Variants in AZIN1 observed in about 807,000 individuals in gnomAD.
The protein encoded by AZIN1 is antizyme inhibitor 1, also known as ornithine decarboxylase antizyme inhibitor.
Under a neutral mutation model 47.4 loss-of-function variants are expected in AZIN1, and 12 were observed. The ratio of observed to expected loss-of-function variants is 0.25; its 90% CI spans 0.16 to 0.41. AZIN1 has a LOEUF of 0.41. AZIN1 is among the 10% of genes least tolerant of loss of function. The pLI, the probability that AZIN1 is intolerant of heterozygous loss-of-function variation, is 1.00. For synonymous variants in AZIN1, 155 were observed against 176.3 expected (o/e 0.88, Z 0.96); for missense variants, 410 against 532.4 (o/e 0.77, Z 2.26).
chr8:102,860,690 A>G (rs1486449626), intron 1 of AZIN1, among the ~76,000 whole-genome samples: 2 of 152,232 alleles, frequency 1.3e-5, no homozygotes, highest in African/African-American at 2.4e-5. Context: ...CCCAACTACA[A>G]AAACTTTCTA....
At chr8:102,845,472 T>A (rs1401384327) in intron 2 of AZIN1, among the ~76,000 whole-genome samples, 2 of 152,182 alleles carry the variant, frequency 1.3e-5, no homozygotes, top group Non-Finnish European at 2.9e-5. Context: ...ACCTGTGCAG[T>A]GACGTCAAAT....
chr8:102,843,745 A>T lies in AZIN1; in HGVS notation c.-93T>A. ...TGTCTGGGTCCTTAGAATATGCAACAAACTGTCAAAATATAAGTTATATAA... is the reference window on the plus strand; with the variant it reads ...TGTCTGGGTCCTTAGAATATGCAACTAACTGTCAAAATATAAGTTATATAA... On this transcript the variant is annotated splice_region_variant and 5_prime_UTR_variant, in exon 3 of 12. Coordinates refer to ENST00000337198, the MANE Select transcript of AZIN1 (RefSeq NM_148174.4). 1.3e-6 allele frequency: 2 copies of T among 1,540,964 alleles called. No homozygotes were observed. The highest frequency in any genetic ancestry group is 2.2e-5 in the Admixed American group (1 of 46,188).
intron 2 of AZIN1, chr8:102,855,621 G>T (rs539788148): frequency 1.3e-5 from 2 of 152,260 alleles, no homozygotes; most frequent in East Asian, 3.9e-4. Flanking sequence ...CTACCTGCAC[G>T]GGAATCCTAG....
At chr8:102,845,065 T>C (rs538616787) in intron 2 of AZIN1, among the ~76,000 whole-genome samples, 1 of 152,200 alleles carries the variant, frequency 6.6e-6, no homozygotes. Context: ...ATAATGGCCA[T>C]TGACCAGCTG....
At chr8:102,854,944 G>A (rs1343279455) in intron 2 of AZIN1, among the ~76,000 whole-genome samples, 1 of 152,152 alleles carries the variant, frequency 6.6e-6, no homozygotes, top group African/African-American at 2.4e-5. Context: ...AGCTTTTTAA[G>A]TTTTAAAATA....
At chr8:102,832,350 A>G (rs577090297) in intron 9 of AZIN1, among the ~76,000 whole-genome samples, 6 of 152,230 alleles carry the variant, frequency 3.9e-5, no homozygotes, top group Non-Finnish European at 7.4e-5. Context: ...GTAAAACAGT[A>G]TTTCCTACAA....
chr8:102,848,289 C>T (rs1326767591), intron 2 of AZIN1, among the ~76,000 whole-genome samples: 6 of 127,252 alleles, frequency 4.7e-5, no homozygotes, highest in Non-Finnish European at 1.6e-5. Context: ...GAATGCAAAG[C>T]TCAACTATCA....
At chr8:102,849,975 C>A (rs1188604052) in intron 2 of AZIN1, 1 of 152,154 alleles carries the variant, frequency 6.6e-6, no homozygotes, top group Admixed American at 6.5e-5. Flanking sequence ...GCTGCAGGAG[C>A]TGGGCACTTG....
intron 1 of AZIN1, among the ~76,000 whole-genome samples, chr8:102,861,727 ATAATCTATGGG>A (rs1054042692): frequency 1.3e-5 from 2 of 151,960 alleles, no homozygotes; most frequent in African/African-American, 2.4e-5. Context: ...ATAGACGAAA[ATAATCTATGGG>A]TTTAAAAAAA....
chr8:102,834,012 A>C (rs1025966754), intron 8 of AZIN1, among the ~76,000 whole-genome samples, 177 bp downstream of exon 8: 2 of 152,196 alleles, frequency 1.3e-5, no homozygotes, highest in African/African-American at 4.8e-5. Flanking sequence ...GAATTCTATC[A>C]AACTTTTCAA....
Position 102,843,572 on chromosome 8 carries a change from G to T in AZIN1, c.81C>A (p.Asn27Lys), listed in dbSNP as rs756549690. 1.2e-6 allele frequency: 2 copies of T among 1,613,862 alleles called. No individual in the cohort carries two copies. The highest frequency in any genetic ancestry group is 1.7e-6 in the Non-Finnish European group (2 of 1,179,764). Residue 27 changes from asparagine (N) to lysine (K), a missense_variant, in exon 3 of 12, where the codon AAC becomes AAA. Transcript: ENST00000337198. ...TTACCAGGGTATGTTCATAAACATA[G>T]TTATCAATAACATTTCCAAGGTTTG... The part of the protein sequence containing the change: ...EGTNLGNVID[N>K]YVYEHTLTGK...
intron 5 of AZIN1, among the ~76,000 whole-genome samples, chr8:102,837,129 A>G (rs1811873545): frequency 6.6e-6 from 1 of 152,190 alleles, no homozygotes; most frequent in Non-Finnish European, 1.5e-5. Flanking sequence ...CATGTTGGCC[A>G]GGCTGGTCTC....
At chr8:102,833,779 C>A in intron 8 of AZIN1, among the ~76,000 whole-genome samples, 1 of 142,428 alleles carries the variant, frequency 7.0e-6, no homozygotes, top group South Asian at 2.2e-4. Context: ...TTTTTTAAGT[C>A]CCAGCTACTT....
chr8:102,829,207 A>G, intron 11 of AZIN1, 65 bp downstream of exon 11: 1 of 1,370,858 alleles, frequency 7.3e-7, no homozygotes, highest in South Asian at 1.3e-5. Context: ...CAGAATTAAA[A>G]CTTATTAGCA....
Position 102,858,070 on chromosome 8 carries a change from A to G in AZIN1, c.-153T>C. On this transcript the variant is annotated 5_prime_UTR_variant, in exon 2 of 12. Transcript: ENST00000337198. Reference sequence around the variant, plus strand: ...ATCAGCTAGGTTCCCAAGGTGGCTCAGCGTTGAAGTCGAACTGCTCTCTAT... The same window carrying G: ...ATCAGCTAGGTTCCCAAGGTGGCTCGGCGTTGAAGTCGAACTGCTCTCTAT... 1 of 399,040 alleles carries G rather than the reference A, an allele frequency of 2.5e-6. No individual in the cohort carries two copies. The highest frequency in any genetic ancestry group is 4.4e-6 in the Non-Finnish European group (1 of 226,044). The allele number at this position is 399,040 out of a possible 1,614,324, so 24.7% of individuals were successfully genotyped here.
At chr8:102,843,163 G>A (rs866121685) in intron 3 of AZIN1, among the ~76,000 whole-genome samples, 4 of 145,354 alleles carry the variant, frequency 2.8e-5, no homozygotes, top group South Asian at 2.1e-4. Flanking sequence ...CCAAGATCAC[G>A]CCACTGCACT....
intron 9 of AZIN1, among the ~76,000 whole-genome samples, chr8:102,830,573 G>A (rs1450724192): frequency 6.6e-6 from 1 of 151,222 alleles, no homozygotes; most frequent in Non-Finnish European, 1.5e-5. Flanking sequence ...GTGTTTGAAT[G>A]TAGAATTAAA....
intron 8 of AZIN1, 64 bp from the exon 9 acceptor site, chr8:102,833,282 G>A: frequency 2.0e-6 from 3 of 1,469,572 alleles, no homozygotes; most frequent in Non-Finnish European, 2.8e-6. Context: ...AATATTCAGA[G>A]ATTGATATTA....
At chr8:102,849,196 G>C (rs1812773212) in intron 2 of AZIN1, among the ~76,000 whole-genome samples, 1 of 152,124 alleles carries the variant, frequency 6.6e-6, no homozygotes, top group Non-Finnish European at 1.5e-5. Context: ...AGGAGGATGA[G>C]GCAGGAGAAT....
Sources: allele counts gnomAD v4.1 joint callset (sites outside exome capture counted in the v4.1 genomes callset), GRCh38; gene constraint gnomAD v4.1.1; transcripts MANE v1.5; gene names NCBI Gene and HGNC (gene_info 2026-07-23, HGNC 2026-07-21).